EGFLAM: variants seen among roughly 807,000 people sequenced by gnomAD.
EGFLAM encodes the protein pikachurin.
A neutral mutation model predicts 113.1 loss-of-function variants in EGFLAM; 79 were observed. The ratio of observed to expected loss-of-function variants is 0.70; its 90% CI spans 0.58 to 0.84. EGFLAM has a LOEUF of 0.84. Ranked by LOEUF, EGFLAM falls within the 40% of genes least tolerant of loss-of-function variation. EGFLAM has a pLI of 0.00. For synonymous variants in EGFLAM, 504 were observed against 487.6 expected (o/e 1.03, Z -0.44); for missense variants, 1,265 against 1,291.6 (o/e 0.98, Z 0.32).
Position 38,258,810 on chromosome 5 carries a change from G to A in EGFLAM, c.56G>A (p.Gly19Glu). ...CTCCTGCTCCTGGCTTCCAGCCTCG[G>A]ACCCGGCGCGGTGTCGCTCCGAGCG... ...LRLLLLASSL[G>E]PGAVSLRAAI... Residue 19 changes from glycine to glutamate, a missense_variant, in exon 1 of 22, where the codon GGA becomes GAA. Transcript: ENST00000322350. 1.2e-6 allele frequency: 2 copies of A among 1,612,524 alleles called. 1 individual carries two copies. The highest frequency in any genetic ancestry group is 2.2e-5 in the South Asian group (2 of 91,040).
chr5:38,277,707 G>C (rs1322829849), intron 1 of EGFLAM, among the ~76,000 whole-genome samples: 1 of 152,250 alleles, frequency 6.6e-6, no homozygotes, highest in East Asian at 1.9e-4. Flanking sequence ...AATCAGTAAA[G>C]TTGCAGGATA....
intron 3 of EGFLAM, among the ~76,000 whole-genome samples, chr5:38,346,198 T>C (rs1739468476): frequency 6.6e-6 from 1 of 152,224 alleles, no homozygotes; most frequent in South Asian, 2.1e-4. Flanking sequence ...GAACTACAAA[T>C]ACGATTTTGC....
chr5:38,423,241 T>C (rs1439276089), intron 12 of EGFLAM, among the ~76,000 whole-genome samples: 1 of 152,200 alleles, frequency 6.6e-6, no homozygotes, highest in Non-Finnish European at 1.5e-5. Context: ...CATTTCTTAC[T>C]TCCTTGGATG....
At position 38,370,477 on chromosome 5, in the gene EGFLAM, C is replaced by T. The variant is rs1184794460; in HGVS notation, c.712+15C>T. On this transcript the variant is annotated intron_variant, in intron 6 of 21. Transcript: ENST00000322350. Reference sequence around the variant, plus strand: ...CCGGACCCTCTGTGAGTACCAGGGTCCTTCTGAGGGACCAAGGGAGCTGCA... The same window carrying T: ...CCGGACCCTCTGTGAGTACCAGGGTTCTTCTGAGGGACCAAGGGAGCTGCA... 2 of 1,610,470 alleles carry T rather than the reference C, an allele frequency of 1.2e-6. No homozygotes were observed. Among genetic ancestry groups the T allele is most frequent in the African/African-American group, 2.7e-5 (2 of 74,874 alleles).
chr5:38,425,131 T>C (rs1258537442), intron 13 of EGFLAM, 39 bp downstream of exon 13: 1 of 1,602,774 alleles, frequency 6.2e-7, no homozygotes, highest in Non-Finnish European at 8.5e-7. Context: ...TCTATCTGCA[T>C]GTTAATTTGT....
At chr5:38,399,277 GTTT>G (rs797021726) in intron 6 of EGFLAM, among the ~76,000 whole-genome samples, 1 of 118,462 alleles carries the variant, frequency 8.4e-6, no homozygotes, top group Non-Finnish European at 1.8e-5. Flanking sequence ...TTTTGTTTTC[GTTT>G]TTTTTTTTTT....
At chr5:38,388,587 AAT>A (rs903926245) in intron 6 of EGFLAM, among the ~76,000 whole-genome samples, 1 of 150,718 alleles carries the variant, frequency 6.6e-6, no homozygotes, top group Admixed American at 6.6e-5. Context: ...CTACTAAAAA[AAT>A]ATATATATAT....
At chr5:38,412,448 A>G in intron 10 of EGFLAM, 56 bp from the exon 11 acceptor site, 1 of 1,613,336 alleles carries the variant, frequency 6.2e-7, no homozygotes, top group South Asian at 1.1e-5. Context: ...ACGGAATCTG[A>G]AAACATAATG....
chr5:38,454,870 T>G (rs1341297794), intron 19 of EGFLAM, among the ~76,000 whole-genome samples: 2 of 152,248 alleles, frequency 1.3e-5, no homozygotes, highest in Non-Finnish European at 2.9e-5. Context: ...AATGGGATTC[T>G]AAAAATGTAT....
intron 6 of EGFLAM, among the ~76,000 whole-genome samples, chr5:38,394,441 G>T (rs1357533008): frequency 6.6e-6 from 1 of 151,054 alleles, no homozygotes; most frequent in African/African-American, 2.4e-5. Context: ...ACGGAGTCCC[G>T]CTCTGTCTCC....
intron 1 of EGFLAM, among the ~76,000 whole-genome samples, chr5:38,266,833 C>T (rs1757644701): frequency 6.6e-6 from 1 of 152,100 alleles, no homozygotes; most frequent in African/African-American, 2.4e-5. Flanking sequence ...TGAAAGTCTC[C>T]ATAAAGCCAG....
intron 1 of EGFLAM, among the ~76,000 whole-genome samples, chr5:38,315,605 A>G (rs1210301137): frequency 6.6e-6 from 1 of 152,194 alleles, no homozygotes; most frequent in Non-Finnish European, 1.5e-5. Flanking sequence ...TGTCCTCCCC[A>G]ACAAGAGAGA....
At chr5:38,460,212 C>G (rs746201547) in intron 20 of EGFLAM, among the ~76,000 whole-genome samples, 14 of 152,220 alleles carry the variant, frequency 9.2e-5, no homozygotes, top group Non-Finnish European at 1.6e-4. Flanking sequence ...CTCCCAGTTT[C>G]CTTGGGTGGA....
chr5:38,379,808 A>C (rs1223386905), intron 6 of EGFLAM, among the ~76,000 whole-genome samples: 1 of 148,034 alleles, frequency 6.8e-6, no homozygotes, highest in Non-Finnish European at 1.5e-5. Context: ...ACTTAAGCAC[A>C]TTCTAGACTC....
chr5:38,327,529 A>G (rs1295652574), intron 1 of EGFLAM, among the ~76,000 whole-genome samples: 2 of 152,188 alleles, frequency 1.3e-5, no homozygotes, highest in African/African-American at 4.8e-5. Context: ...AACTGTAATA[A>G]TAGTATTGGT....
chr5:38,428,692 T>G (rs1271622623), intron 14 of EGFLAM, among the ~76,000 whole-genome samples: 1 of 152,184 alleles, frequency 6.6e-6, no homozygotes, highest in Non-Finnish European at 1.5e-5. Context: ...CCACACTGCC[T>G]CTCTGCAGTG....
intron 1 of EGFLAM, among the ~76,000 whole-genome samples, chr5:38,285,230 T>G (rs547042274): frequency 2.6e-5 from 4 of 152,362 alleles, no homozygotes; most frequent in Admixed American, 6.5e-5. Flanking sequence ...ATGATCAAAG[T>G]GCAGAATGCT....
intron 1 of EGFLAM, among the ~76,000 whole-genome samples, chr5:38,292,315 C>T (rs754540116): frequency 6.6e-6 from 1 of 152,298 alleles, no homozygotes; most frequent in South Asian, 2.1e-4. Flanking sequence ...TCATTGTCCA[C>T]TCCTTTGTTC....
rs767724744 is a variant in EGFLAM at position 38,407,138 on chromosome 5, G to T, written c.1139G>T (p.Cys380Phe). ...ACCCTGGGCAAAGGTGGTGAGAGCT[G>T]CTCAGAAGGTAGGCCCTTGGGGGAG... Reference protein sequence around the residue: ...QCTLGKGGESCSEDIVIQYPQ... With the variant: ...QCTLGKGGESFSEDIVIQYPQ... Residue 380 changes from cysteine (C) to phenylalanine (F), a missense_variant, in exon 8 of 22, where the codon TGC (cysteine) becomes TTC (phenylalanine). Transcript: ENST00000322350. The T allele has an allele frequency of 6.2e-7, 1 of 1,609,806 alleles. No homozygotes were observed. The highest frequency in any genetic ancestry group is 1.4e-5 in the African/African-American group (1 of 71,852).
Sources: allele counts gnomAD v4.1 joint callset (sites outside exome capture counted in the v4.1 genomes callset), GRCh38; gene constraint gnomAD v4.1.1; transcripts MANE v1.5; gene names NCBI Gene and HGNC (gene_info 2026-07-23, HGNC 2026-07-21).